The following GRM7 variants were observed in gnomAD, a reference collection of about 807,000 sequenced individuals.
GRM7 encodes glutamate metabotropic receptor 7.
A neutral mutation model predicts 84.5 loss-of-function variants in GRM7; 35 were observed. The observed-to-expected ratio is 0.41, with a 90% CI of 0.32 to 0.55. The LOEUF (loss-of-function observed/expected upper bound fraction) is 0.55, where lower values mean the gene tolerates loss of function less well. GRM7 is among the 20% of genes least tolerant of loss of function. The probability of loss-of-function intolerance (pLI) is 0.19; values close to 1 mark genes in which losing one functional copy is unlikely to be tolerated. For missense variants in GRM7, 1,003 were observed against 1,194.6 expected, an observed-to-expected ratio of 0.84 and a Z score of 2.36; for synonymous variants, 487 against 455.1, an observed-to-expected ratio of 1.07 and a Z score of -0.89.
At chr3:7,578,336 G>A (rs1034202660) in intron 7 of GRM7, 86 bp from the exon 8 acceptor site, 2 of 826,738 alleles carry the variant, frequency 2.4e-6, no homozygotes, top group South Asian at 3.5e-5. Flanking sequence ...TATGTCACTT[G>A]CCATGAGTAC....
chr3:7,380,496 G>C (rs1053576557), intron 4 of GRM7, among the ~76,000 whole-genome samples: 1 of 152,142 alleles, frequency 6.6e-6, no homozygotes, highest in African/African-American at 2.4e-5. Flanking sequence ...GGTTGATTCT[G>C]TACACATTTA....
chr3:7,578,743 A>G lies in GRM7; in HGVS notation c.1837A>G (p.Ile613Val), dbSNP rs1276936828. ...IATIFVMATF[I>V]RYNDTPIVRA... ...CACCATCTTTGTCATGGCCACTTTC[A>G]TCCGCTACAATGACACGCCCATTGT... The change falls in exon 8 of 10, where the codon ATC (isoleucine) becomes GTC (valine). Residue 613 changes from isoleucine (I) to valine (V), a missense_variant. Ile to Val is a conservative substitution (Grantham distance 29, BLOSUM62 3). Transcript: ENST00000357716. 4.3e-6 allele frequency: 7 copies of G among 1,613,906 alleles called. No individual in the cohort carries two copies. The highest frequency in any genetic ancestry group is 5.9e-6 in the Non-Finnish European group (7 of 1,179,976).
intron 2 of GRM7, among the ~76,000 whole-genome samples, chr3:7,189,339 C>T (rs1695629865): frequency 6.6e-6 from 1 of 152,178 alleles, no homozygotes; most frequent in Admixed American, 6.6e-5. Flanking sequence ...GGTCTCCTAT[C>T]TTCCAGTTGT....
At chr3:7,139,174 T>A (rs1693865659) in intron 1 of GRM7, among the ~76,000 whole-genome samples, 4 of 150,082 alleles carry the variant, frequency 2.7e-5, no homozygotes, top group Admixed American at 2.0e-4. Flanking sequence ...CTATAGGTAT[T>A]TGATTTTCTT....
intron 6 of GRM7, among the ~76,000 whole-genome samples, chr3:7,457,679 T>C (rs918573700): frequency 3.3e-5 from 5 of 152,324 alleles, no homozygotes; most frequent in Middle Eastern, 6.8e-3. Flanking sequence ...CTGTGACTAA[T>C]TTGGAAGTAG....
chr3:7,680,328 C>A, intron 9 of GRM7, 33 bp downstream of exon 9: 2 of 1,609,050 alleles, frequency 1.2e-6, no homozygotes, highest in Non-Finnish European at 1.7e-6. Context: ...CATCTTCCCA[C>A]CCTGCATCAG....
At chr3:7,394,007 A>G (rs1005879743) in intron 4 of GRM7, among the ~76,000 whole-genome samples, 11 of 152,118 alleles carry the variant, frequency 7.2e-5, no homozygotes, top group African/African-American at 2.7e-4. Context: ...CATCTTTTAT[A>G]ATCTTTACCA....
intron 1 of GRM7, among the ~76,000 whole-genome samples, chr3:7,086,232 TTATC>T (rs1336330271): frequency 3.3e-5 from 5 of 152,130 alleles, no homozygotes; most frequent in Admixed American, 1.3e-4. Context: ...CGTTTTGAAT[TTATC>T]TAGCATGACC....
intron 8 of GRM7, among the ~76,000 whole-genome samples, chr3:7,631,552 C>T (rs1697860918): frequency 6.6e-6 from 1 of 152,112 alleles, no homozygotes. Context: ...GAAGAGATAC[C>T]TGCCTTCATG....
intron 2 of GRM7, among the ~76,000 whole-genome samples, chr3:7,196,275 G>C (rs763104570): frequency 2.6e-5 from 4 of 152,066 alleles, no homozygotes; most frequent in Non-Finnish European, 5.9e-5. Flanking sequence ...CCACATTGTG[G>C]AGGACAATTT....
At chr3:6,879,972 C>T (rs939104317) in intron 1 of GRM7, among the ~76,000 whole-genome samples, 3 of 152,134 alleles carry the variant, frequency 2.0e-5, no homozygotes, top group Non-Finnish European at 4.4e-5. Flanking sequence ...GCTGCATTCC[C>T]AATGTTTAAC....
intron 8 of GRM7, among the ~76,000 whole-genome samples, chr3:7,620,269 T>C (rs1233609361): frequency 2.6e-5 from 4 of 152,118 alleles, no homozygotes; most frequent in African/African-American, 4.8e-5. Context: ...GGCACACTTA[T>C]ACTAAAAATT....
intron 7 of GRM7, among the ~76,000 whole-genome samples, chr3:7,506,847 A>G (rs1700054535): frequency 6.6e-6 from 1 of 152,244 alleles, no homozygotes; most frequent in South Asian, 2.1e-4. Flanking sequence ...GGCAGAGCCA[A>G]CATTAATCCA....
At chr3:7,106,962 G>A (rs1414211041) in intron 1 of GRM7, among the ~76,000 whole-genome samples, 1 of 151,966 alleles carries the variant, frequency 6.6e-6, no homozygotes, top group African/African-American at 2.4e-5. Flanking sequence ...CAGTTGGTAT[G>A]CTAGCAATAT....
At chr3:7,612,111 T>C (rs1350059945) in intron 8 of GRM7, among the ~76,000 whole-genome samples, 1 of 152,164 alleles carries the variant, frequency 6.6e-6, no homozygotes, top group Non-Finnish European at 1.5e-5. Flanking sequence ...TCTGTTGTCA[T>C]GGTATTAATA....
At chr3:7,723,060 T>G (rs1702008876) in intron 9 of GRM7, among the ~76,000 whole-genome samples, 1 of 152,196 alleles carries the variant, frequency 6.6e-6, no homozygotes, top group African/African-American at 2.4e-5. Context: ...ATTTAACTGT[T>G]AAGGTTTTAC....
intron 1 of GRM7, among the ~76,000 whole-genome samples, chr3:6,896,336 C>G (rs553082432): frequency 1.3e-5 from 2 of 152,258 alleles, no homozygotes; most frequent in South Asian, 4.1e-4. Flanking sequence ...TCTTCTAAGC[C>G]AAGCCTGTTT....
intron 7 of GRM7, among the ~76,000 whole-genome samples, chr3:7,516,268 T>TACATCAAG (rs921367006): frequency 1.3e-5 from 2 of 148,562 alleles, no homozygotes; most frequent in Non-Finnish European, 3.0e-5. Flanking sequence ...ATAAGGTCAG[T>TACATCAAG]ACATCAAGAC....
At chr3:7,551,525 A>G (rs945942260) in intron 7 of GRM7, among the ~76,000 whole-genome samples, 43 of 152,182 alleles carry the variant, frequency 2.8e-4, no homozygotes, top group African/African-American at 1.0e-3. Context: ...GTGTACAAGT[A>G]GGGTAAAATC....
Sources: allele counts gnomAD v4.1 joint callset (sites outside exome capture counted in the v4.1 genomes callset), GRCh38; gene constraint gnomAD v4.1.1; transcripts MANE v1.5; gene names NCBI Gene and HGNC (gene_info 2026-07-23, HGNC 2026-07-21).